Variants in PCDHA11 observed in about 807,000 individuals in gnomAD.
PCDHA11 encodes the protein protocadherin alpha-11.
In PCDHA11, 61 loss-of-function variants were observed where a neutral mutation model predicts 70.3. The observed-to-expected ratio is 0.87, with a 90% confidence interval of 0.71 to 1.07. The LOEUF is 1.07. Ranked by LOEUF, PCDHA11 falls within the 50% of genes least tolerant of loss-of-function variation. The probability of loss-of-function intolerance (pLI) is 0.00; values close to 1 mark genes in which losing one functional copy is unlikely to be tolerated. For missense variants in PCDHA11, 1,324 were observed against 1,237.5 expected, an observed-to-expected ratio of 1.07 and a Z score of -1.05; for synonymous variants, 633 against 555.1, an observed-to-expected ratio of 1.14 and a Z score of -1.97.
At position 140,877,134 on chromosome 5, in the gene PCDHA11, C is replaced by A. The variant is rs1339173132; in HGVS notation, c.2391+5640C>A. 17 of 1,613,712 alleles carry A rather than the reference C, an allele frequency of 1.1e-5. No homozygotes were observed. Among genetic ancestry groups the A allele is most frequent in the Admixed American group, 6.7e-5 (4 of 60,000 alleles). ...GCAGCAACGTGACGCTGCAGGTGTTCGTGCTGGACGAGAACGACAACGCGC... is the reference window on the plus strand; with the variant it reads ...GCAGCAACGTGACGCTGCAGGTGTTAGTGCTGGACGAGAACGACAACGCGC... On this transcript the variant is annotated intron_variant, in intron 1 of 3. Transcript: ENST00000398640.
chr5:140,978,233 AT>A (rs1360475808), intron 1 of PCDHA11, among the ~76,000 whole-genome samples: 2 of 152,196 alleles, frequency 1.3e-5, no homozygotes, highest in African/African-American at 4.8e-5. Context: ...TTTTTCTTGG[AT>A]TTCAGCTACT....
At position 141,011,990 on chromosome 5, in the gene PCDHA11, T is replaced by C. The variant is rs1554263765; in HGVS notation, c.*2053T>C. On this transcript the variant is annotated 3_prime_UTR_variant, in exon 4 of 4. Transcript: ENST00000398640. ...ACTGTCTTGTCTACTTTTAGCTTCA[T>C]TCTCCCATATTTTGAAGGGTGTGTA... 1 of 153,772 alleles carries C rather than the reference T, an allele frequency of 6.5e-6. No homozygotes were observed. The highest frequency in any genetic ancestry group is 1.5e-5 in the Non-Finnish European group (1 of 68,038). 9.5% of individuals were successfully genotyped at this position (153,772 alleles called of 1,614,324 possible). A position where few individuals can be genotyped will look rare whatever the true frequency, so the allele number is the denominator to read the frequency against.
chr5:140,883,555 C>T, intron 1 of PCDHA11: 3 of 1,614,168 alleles, frequency 1.9e-6, no homozygotes, highest in Non-Finnish European at 2.5e-6. Context: ...CCGCGCGGGA[C>T]GGGGGCTCGC....
intron 1 of PCDHA11, among the ~76,000 whole-genome samples, chr5:140,887,136 G>A (rs1460345753): frequency 2.2e-4 from 33 of 148,834 alleles, no homozygotes; most frequent in Middle Eastern, 3.2e-3. Context: ...TCACTCTGTC[G>A]CCCAGGCTGG....
chr5:140,881,283 A>T, intron 1 of PCDHA11: 1 of 799,388 alleles, frequency 1.3e-6, no homozygotes, highest in Non-Finnish European at 1.5e-6. Flanking sequence ...TAAGATGGAG[A>T]GAGAAAATGG....
intron 3 of PCDHA11, among the ~76,000 whole-genome samples, chr5:141,005,701 CAAAAAAA>C (rs59860837): frequency 1.3e-4 from 1 of 7,786 alleles, no homozygotes; most frequent in African/African-American, 4.7e-4. Context: ...AACTCCGTCT[CAAAAAAA>C]AAAAAAAAAA....
intron 1 of PCDHA11, chr5:140,967,556 G>A (rs1586226034): frequency 6.2e-7 from 1 of 1,614,030 alleles, no homozygotes; most frequent in East Asian, 2.2e-5. Context: ...CACTTATCGC[G>A]TCCAGCTACG....
At chr5:140,895,137 G>A (rs1184479322) in intron 1 of PCDHA11, among the ~76,000 whole-genome samples, 2 of 152,072 alleles carry the variant, frequency 1.3e-5, no homozygotes, top group Non-Finnish European at 2.9e-5. Context: ...CAAGTTCATA[G>A]GGCTAAGACA....
rs2051552630 is a variant in PCDHA11, at chr5:140,869,977, T to C, written c.874T>C (p.Phe292Leu). 6.2e-7 allele frequency: 1 copy of C among 1,613,234 alleles called. No individual in the cohort carries two copies. Among genetic ancestry groups the C allele is most frequent in the Non-Finnish European group, 8.5e-7 (1 of 1,179,606 alleles). ...MSIKPNGRHL[F>L]TLDQNNGEVR... ...AATTAAGCCCAATGGAAGACACTTA[T>C]TTACACTAGATCAAAATAATGGAGA... The change falls in exon 1 of 4, where the codon TTT (phenylalanine) becomes CTT (leucine). Residue 292 changes from phenylalanine to leucine, a missense_variant. Physicochemically the swap from Phe to Leu is conservative, Grantham distance 22. Transcript: ENST00000398640.
At chr5:140,877,947 G>A (rs1266600808) in intron 1 of PCDHA11, 2 of 1,351,230 alleles carry the variant, frequency 1.5e-6, no homozygotes, top group African/African-American at 1.5e-5. Context: ...TTAAACTATC[G>A]AATGTCTCAT....
intron 1 of PCDHA11, among the ~76,000 whole-genome samples, chr5:140,972,725 G>A (rs985697414): frequency 2.7e-5 from 4 of 146,408 alleles, no homozygotes; most frequent in African/African-American, 7.7e-5. Context: ...GTGCAGTGGC[G>A]TAATCCCGGC....
At chr5:140,927,004 A>C (rs1194923615) in intron 1 of PCDHA11, 1 of 1,612,238 alleles carries the variant, frequency 6.2e-7, no homozygotes, top group Non-Finnish European at 8.5e-7. Flanking sequence ...AGCCGTAGGC[A>C]ATCTCTCCGC....
chr5:140,884,559 C>G lies in PCDHA11; in HGVS notation c.2391+13065C>G. On this transcript the variant is annotated intron_variant, in intron 1 of 3. Transcript: ENST00000398640. ...CCGAGGGTGTGCTCTGGGGAGGGCC[C>G]GCATAAGACGGACCTCATGGCCTTC... The G allele has an allele frequency of 1.2e-6, 2 of 1,614,094 alleles. No individual in the cohort carries two copies. The highest frequency in any genetic ancestry group is 1.7e-5 in the Admixed American group (1 of 59,984).
At chr5:140,879,813 T>C in intron 1 of PCDHA11, among the ~76,000 whole-genome samples, 1 of 152,346 alleles carries the variant, frequency 6.6e-6, no homozygotes, top group African/African-American at 2.4e-5. Flanking sequence ...CTATTGGCTG[T>C]TGGTGTTCCC....
At chr5:140,872,652 T>C (rs1185435042) in intron 1 of PCDHA11, among the ~76,000 whole-genome samples, 2 of 152,142 alleles carry the variant, frequency 1.3e-5, no homozygotes, top group Non-Finnish European at 2.9e-5. Context: ...AGGCAAGAGA[T>C]TTGTCAACTA....
chr5:140,888,271 T>A (rs1466153758), intron 1 of PCDHA11, among the ~76,000 whole-genome samples: 2 of 152,068 alleles, frequency 1.3e-5, no homozygotes, highest in African/African-American at 4.8e-5. Context: ...TAAGAAACAG[T>A]TTTGTCCCCT....
chr5:140,900,634 A>G (rs918199903), intron 1 of PCDHA11, among the ~76,000 whole-genome samples: 7 of 152,152 alleles, frequency 4.6e-5, no homozygotes, highest in Non-Finnish European at 1.0e-4. Flanking sequence ...AATCTTGGCT[A>G]TTGTGAACAC....
At chr5:140,927,915 C>T (rs200890211) in intron 1 of PCDHA11, 7 of 1,614,120 alleles carry the variant, frequency 4.3e-6, no homozygotes, top group Admixed American at 3.3e-5. Context: ...CCGAACTGGA[C>T]TTCCTGACTC....
chr5:140,870,929 A>C lies in PCDHA11; in HGVS notation c.1826A>C (p.Glu609Ala). Residue 609 changes from glutamate (E) to alanine (A), a missense_variant, in exon 1 of 4, where the codon GAA becomes GCA. Coordinates refer to ENST00000398640, the MANE Select transcript of PCDHA11 (RefSeq NM_018902.5). ...GGCTACAACGCGTGGCTTTCATATGAATTGCAGCCGGCGGCGGGCGGCTCG... is the reference window on the plus strand; with the variant it reads ...GGCTACAACGCGTGGCTTTCATATGCATTGCAGCCGGCGGCGGGCGGCTCG... ...DSGYNAWLSY[E>A]LQPAAGGSRI... 1.9e-6 allele frequency: 3 copies of C among 1,613,868 alleles called. No homozygotes were observed. The highest frequency in any genetic ancestry group is 2.5e-6 in the Non-Finnish European group (3 of 1,179,880).
Sources: allele counts gnomAD v4.1 joint callset (sites outside exome capture counted in the v4.1 genomes callset), GRCh38; gene constraint gnomAD v4.1.1; transcripts MANE v1.5; gene names NCBI Gene and HGNC (gene_info 2026-07-23, HGNC 2026-07-21).